Variants in TSPAN2 observed in about 807,000 individuals in gnomAD.
TSPAN2 encodes the protein tetraspanin-2.
A neutral mutation model predicts 33.3 loss-of-function variants in TSPAN2; 24 were observed. The observed-to-expected ratio is 0.72, with a 90% CI of 0.52 to 1.01. TSPAN2 has a LOEUF of 1.01. TSPAN2 is among the 50% of genes least tolerant of loss of function. The pLI, the probability that TSPAN2 is intolerant of heterozygous loss-of-function variation, is 0.00. For missense variants in TSPAN2, 278 were observed against 281.3 expected, an observed-to-expected ratio of 0.99 and a Z score of 0.08; for synonymous variants, 114 against 104.5, an observed-to-expected ratio of 1.09 and a Z score of -0.56.
intron 5 of TSPAN2, chr1:115,058,498 G>C (rs756854261): frequency 7.7e-6 from 2 of 258,578 alleles, no homozygotes; most frequent in Non-Finnish European, 1.5e-5. Flanking sequence ...GCTGTTGAAT[G>C]GTAGAGCTGC....
rs1647548108 is a variant in TSPAN2, at chr1:115,058,942, T to C, written c.385A>G (p.Asn129Asp). Residue 129 changes from asparagine to aspartate, a missense_variant, in exon 5 of 8, where the codon AAT becomes GAT. Physicochemically the swap from Asn to Asp is conservative, Grantham distance 23. Coordinates refer to ENST00000369516, the MANE Select transcript of TSPAN2 (RefSeq NM_005725.6). ...HVQTMYEEAY[N>D]DYLKDRGKGN... ...TTTCCCCTGTCTTTAAGGTAATCAT[T>C]GTAAGCCTCTTCATACATGGTCTGA... The C allele has an allele frequency of 6.2e-7, 1 of 1,614,058 alleles. No individual in the cohort carries two copies.
chr1:115,066,102 T>C (rs1204123282), intron 2 of TSPAN2, among the ~76,000 whole-genome samples: 1 of 152,222 alleles, frequency 6.6e-6, no homozygotes, highest in African/African-American at 2.4e-5. Flanking sequence ...GGCTGAGTAA[T>C]ATTCCATTGT....
At position 115,089,469 on chromosome 1, in the gene TSPAN2, C is replaced by A; in HGVS notation, c.-37G>T. The A allele has an allele frequency of 7.0e-7, 1 of 1,431,094 alleles. No homozygotes were observed. The highest frequency in any genetic ancestry group is 1.5e-5 in the South Asian group (1 of 67,502). 88.6% of individuals were successfully genotyped at this position (1,431,094 alleles called of 1,614,324 possible). A position where few individuals can be genotyped will look rare whatever the true frequency, so the allele number is the denominator to read the frequency against. ...GCGGCGGGATCCCCAGTCCCCAGGC[C>A]CGCGCTACGAGCGCGGGGAGCGGCA... On this transcript the variant is annotated 5_prime_UTR_variant, in exon 1 of 8. Coordinates refer to ENST00000369516, the MANE Select transcript of TSPAN2 (RefSeq NM_005725.6).
intron 1 of TSPAN2, among the ~76,000 whole-genome samples, chr1:115,077,721 T>G (rs1241391742): frequency 6.6e-6 from 1 of 152,208 alleles, no homozygotes; most frequent in Non-Finnish European, 1.5e-5. Flanking sequence ...TTTCCTGGGA[T>G]TGCTGATGAG....
chr1:115,076,822 CCAGGAGGGAATCCAACCCTG>C (rs1243545612), intron 1 of TSPAN2, among the ~76,000 whole-genome samples: 2 of 152,156 alleles, frequency 1.3e-5, no homozygotes, highest in East Asian at 3.9e-4. Flanking sequence ...ACTGGGTGGC[CCAGGAGGGAATCCAACCCTG>C]CAGGTGGGAA....
At chr1:115,057,120 T>G (rs1347320129) in intron 6 of TSPAN2, among the ~76,000 whole-genome samples, 2 of 152,332 alleles carry the variant, frequency 1.3e-5, no homozygotes, top group African/African-American at 4.8e-5. Context: ...TACTGGATAT[T>G]TCCATTTGGA....
chr1:115,060,415 C>G, intron 4 of TSPAN2, 49 bp downstream of exon 4: 1 of 1,432,262 alleles, frequency 7.0e-7, no homozygotes, highest in Non-Finnish European at 9.8e-7. Flanking sequence ...TATCAATATT[C>G]TAACACTTTT....
At chr1:115,053,528 A>G in intron 6 of TSPAN2, 66 bp from the exon 7 acceptor site, 1 of 1,303,494 alleles carries the variant, frequency 7.7e-7, no homozygotes, top group Non-Finnish European at 1.1e-6. Flanking sequence ...TCCTGATCCT[A>G]TCCTTTCCAT....
chr1:115,061,139 G>C (rs1275687848), intron 3 of TSPAN2, among the ~76,000 whole-genome samples: 1 of 152,216 alleles, frequency 6.6e-6, no homozygotes, highest in Non-Finnish European at 1.5e-5. Flanking sequence ...GTAGGAGAAA[G>C]AGAAGGAATG....
intron 4 of TSPAN2, among the ~76,000 whole-genome samples, chr1:115,059,556 T>G (rs1258060338): frequency 1.3e-5 from 2 of 152,208 alleles, no homozygotes; most frequent in Non-Finnish European, 2.9e-5. Flanking sequence ...GTTAAAAGCA[T>G]TCAAATCTTT....
At position 115,049,128 on chromosome 1, in the gene TSPAN2, A is replaced by G. The variant is rs1010489391; in HGVS notation, c.*1362T>C. 4.6e-5 allele frequency: 7 copies of G among 152,138 alleles called. No individual in the cohort carries two copies. The highest frequency in any genetic ancestry group is 1.7e-4 in the African/African-American group (7 of 41,440). 9.4% of individuals were successfully genotyped at this position (152,138 alleles called of 1,614,324 possible). A position where few individuals can be genotyped will look rare whatever the true frequency, so the allele number is the denominator to read the frequency against. On this transcript the variant is annotated 3_prime_UTR_variant, in exon 8 of 8. Transcript: ENST00000369516. Reference sequence around the variant, plus strand: ...TTTTTAAAAAATCTATGGTTTACTAAATGTAACACGTTAAAAATCACTGAA... The same window carrying G: ...TTTTTAAAAAATCTATGGTTTACTAGATGTAACACGTTAAAAATCACTGAA...
chr1:115,053,403 G>T lies in TSPAN2; in HGVS notation c.576C>A (p.Val192=). The T allele has an allele frequency of 6.2e-7, 1 of 1,613,832 alleles. No homozygotes were observed. Among genetic ancestry groups the T allele is most frequent in the Non-Finnish European group, 8.5e-7 (1 of 1,179,840 alleles). ...CCGTCAGACCTGCAATTCCAATACC[G>T]ACAATTCCAATGAGCTGGAGCTTAA... The part of the protein sequence containing the change: ...ISVKLQLIGI[V]GIGIAGLTIF... The change falls in exon 7 of 8, where the codon GTC becomes GTA. Residue 192 remains valine (V), a synonymous_variant. Coordinates refer to ENST00000369516, the MANE Select transcript of TSPAN2 (RefSeq NM_005725.6).
At chr1:115,066,508 T>G (rs557338964) in intron 2 of TSPAN2, among the ~76,000 whole-genome samples, 1 of 152,338 alleles carries the variant, frequency 6.6e-6, no homozygotes, top group South Asian at 2.1e-4. Context: ...GAGTCTTCTT[T>G]TAAGCTAGAA....
chr1:115,089,410 A>C lies in TSPAN2; in HGVS notation c.23T>G (p.Leu8Arg). The change falls in exon 1 of 8, where the codon CTG becomes CGG. Residue 8 changes from leucine (L) to arginine (R), a missense_variant. Physicochemically the swap from Leu to Arg is moderately radical, Grantham distance 102. Transcript: ENST00000369516. Reference protein sequence around the residue: MGRFRGGLRCIKYLLLGF... With the variant: MGRFRGGRRCIKYLLLGF... ...AAGCAGCAGGTACTTGATGCACCGC[A>C]GGCCCCCGCGGAAGCGCCCCATGCT... 1 of 1,588,622 alleles carries C rather than the reference A, an allele frequency of 6.3e-7. No individual in the cohort carries two copies. The highest frequency in any genetic ancestry group is 8.6e-7 in the Non-Finnish European group (1 of 1,169,200).
intron 2 of TSPAN2, among the ~76,000 whole-genome samples, chr1:115,068,064 A>G (rs1307503387): frequency 6.6e-6 from 1 of 152,210 alleles, no homozygotes; most frequent in Non-Finnish European, 1.5e-5. Flanking sequence ...CACTCCTGCC[A>G]GGTCCTCTCT....
chr1:115,087,866 G>C (rs572931591), intron 1 of TSPAN2, among the ~76,000 whole-genome samples: 35 of 152,260 alleles, frequency 2.3e-4, no homozygotes, highest in African/African-American at 7.9e-4. Context: ...CACTGGAAAG[G>C]CTGGTACAAT....
chr1:115,064,718 A>G (rs1454775259), intron 2 of TSPAN2, among the ~76,000 whole-genome samples: 3 of 152,234 alleles, frequency 2.0e-5, no homozygotes, highest in East Asian at 3.8e-4. Context: ...GCTTAGAGAT[A>G]TATGCTGGAA....
chr1:115,051,926 T>C (rs1675326475), intron 7 of TSPAN2, among the ~76,000 whole-genome samples: 2 of 152,346 alleles, frequency 1.3e-5, no homozygotes, highest in South Asian at 2.1e-4. Flanking sequence ...ATAGGCTCAC[T>C]ATGGGCATTT....
chr1:115,050,581 T>C, intron 7 of TSPAN2, 26 bp from the exon 8 acceptor site: 1 of 1,611,064 alleles, frequency 6.2e-7, no homozygotes, highest in Non-Finnish European at 8.5e-7. Flanking sequence ...CACTCATCAG[T>C]GACTTTGAAA....
Sources: gnomAD v4.1 joint callset for allele counts (sites outside exome capture counted in the v4.1 genomes callset) on GRCh38, gnomAD v4.1.1 for gene constraint, MANE v1.5 for transcripts, NCBI Gene and HGNC (gene_info 2026-07-23, HGNC 2026-07-21) for gene names.